Variants in SRPRB observed in about 807,000 individuals in gnomAD.
The protein encoded by SRPRB is SRP receptor subunit beta.
SRPRB carries 20 observed loss-of-function variants against 31.9 expected under a neutral mutation model. The observed-to-expected ratio is 0.63, with a 90% CI of 0.44 to 0.91. SRPRB has a LOEUF of 0.91. Ranked by LOEUF, SRPRB falls within the 40% of genes least tolerant of loss-of-function variation. SRPRB has a pLI of 0.00. For synonymous variants in SRPRB, 146 were observed against 132.8 expected, an observed-to-expected ratio of 1.10 and a Z score of -0.68; for missense variants, 321 against 324.9, an observed-to-expected ratio of 0.99 and a Z score of 0.09.
At chr3:133,825,494 T>G (rs146976395), downstream of SRPRB, 63 of 152,338 alleles carry the variant, frequency 4.1e-4, no homozygotes, top group African/African-American at 1.5e-3. Context: ...CAAGGAGGCC[T>G]CTGACCAAGG....
At chr3:133,799,617 C>T (rs1935033192) in intron 1 of SRPRB, among the ~76,000 whole-genome samples, 1 of 151,960 alleles carries the variant, frequency 6.6e-6, no homozygotes, top group Non-Finnish European at 1.5e-5. Context: ...TCAAGTGGCT[C>T]TCGGGGAGAA....
chr3:133,799,524 G>GA (rs1370088128), intron 1 of SRPRB, among the ~76,000 whole-genome samples: 1 of 151,988 alleles, frequency 6.6e-6, no homozygotes, highest in Non-Finnish European at 1.5e-5. Context: ...GAAGGACAGA[G>GA]AAAAAAATAA....
chr3:133,817,986 C>T (rs1211182629), intron 6 of SRPRB, among the ~76,000 whole-genome samples: 5 of 152,314 alleles, frequency 3.3e-5, no homozygotes, highest in Admixed American at 3.3e-4. Flanking sequence ...TATTTAATTT[C>T]TGGCTCTTTG....
At chr3:133,817,318 A>G (rs937585698) in intron 6 of SRPRB, among the ~76,000 whole-genome samples, 5 of 152,196 alleles carry the variant, frequency 3.3e-5, no homozygotes, top group African/African-American at 1.2e-4. Context: ...GTATTTAAGG[A>G]TGCATGTAAA....
intron 4 of SRPRB, among the ~76,000 whole-genome samples, chr3:133,811,718 G>A (rs1935266323): frequency 6.6e-6 from 1 of 151,744 alleles, no homozygotes; most frequent in South Asian, 2.1e-4. Context: ...GAGTAGCTGG[G>A]ATTACAGGCA....
At chr3:133,806,278 C>G (rs1440776962) in intron 1 of SRPRB, among the ~76,000 whole-genome samples, 1 of 152,220 alleles carries the variant, frequency 6.6e-6, no homozygotes, top group Non-Finnish European at 1.5e-5. Context: ...CGCGCTGTTC[C>G]TCGCCTTCCG....
At chr3:133,817,133 T>G (rs1935381956) in intron 6 of SRPRB, among the ~76,000 whole-genome samples, 1 of 152,250 alleles carries the variant, frequency 6.6e-6, no homozygotes, top group Non-Finnish European at 1.5e-5. Context: ...ATTTTAAAAT[T>G]TCATGGAAAG....
At position 133,807,840 on chromosome 3, in the gene SRPRB, G is replaced by A; in HGVS notation, c.327+17G>A. The A allele has an allele frequency of 6.3e-7, 1 of 1,592,612 alleles. No homozygotes were observed. Among genetic ancestry groups the A allele is most frequent in the Non-Finnish European group, 8.6e-7 (1 of 1,169,030 alleles). ...AATAACAGGGTAAGATGTTTGTGGA[G>A]TTTTGGAGTCTGACAGTCTTACTTT... On this transcript the variant is annotated intron_variant, in intron 3 of 6. Transcript: ENST00000678299.
upstream of SRPRB, among the ~76,000 whole-genome samples, chr3:133,802,549 C>A (rs1008605929): frequency 6.6e-6 from 1 of 152,180 alleles, no homozygotes; most frequent in African/African-American, 2.4e-5. Context: ...CTTGCTTATC[C>A]CCTTGAGCTC....
intron 6 of SRPRB, 41 bp from the exon 7 acceptor site, chr3:133,819,512 T>C: frequency 2.5e-6 from 4 of 1,584,570 alleles, no homozygotes; most frequent in Non-Finnish European, 3.5e-6. Context: ...AATTGCTGTA[T>C]AAAAATTTTG....
chr3:133,786,222 T>TAAAAAAAAAAA (rs1553742153), intron 1 of SRPRB: 3 of 84,348 alleles, frequency 3.6e-5, no homozygotes, highest in African/African-American at 7.9e-5. Flanking sequence ...AAAAATAAAT[T>TAAAAAAAAAAA]AAAAAAAAAA....
chr3:133,811,261 A>G (rs897001734), intron 4 of SRPRB, 62 bp downstream of exon 4: 3 of 1,546,646 alleles, frequency 1.9e-6, no homozygotes, highest in South Asian at 1.1e-5. Flanking sequence ...AAAGCCACTC[A>G]TGTGATTTGC....
intron 6 of SRPRB, among the ~76,000 whole-genome samples, chr3:133,817,545 A>G (rs1342037985): frequency 6.6e-6 from 1 of 152,164 alleles, no homozygotes; most frequent in South Asian, 2.1e-4. Flanking sequence ...TAAGCTTTTG[A>G]ATTTTAAGGC....
upstream of SRPRB, among the ~76,000 whole-genome samples, chr3:133,802,833 C>G (rs1437272517): frequency 6.6e-6 from 1 of 152,106 alleles, no homozygotes; most frequent in South Asian, 2.1e-4. Context: ...CCAGAAGCAC[C>G]TAAAACTCAA....
chr3:133,813,700 C>T (rs1342660271), intron 4 of SRPRB, among the ~76,000 whole-genome samples: 1 of 152,098 alleles, frequency 6.6e-6, no homozygotes, highest in Admixed American at 6.5e-5. Context: ...ACCAGTTATT[C>T]TCCCTCATAA....
chr3:133,828,093 G>A, downstream of SRPRB: 1 of 664,878 alleles, frequency 1.5e-6, no homozygotes. Context: ...AAGAGAAGGA[G>A]AGGTGGGAGC....
Position 133,816,869 on chromosome 3 carries a change from T to C in SRPRB, c.548-9T>C. ...TTTAAACTACAACAGTGTCTTTATT[T>C]CTTTACAGATATTGCAATGGCAAAA... On this transcript the variant is annotated splice_polypyrimidine_tract_variant and intron_variant, in intron 5 of 6. Coordinates refer to ENST00000678299, the MANE Select transcript of SRPRB (RefSeq NM_001379313.1). The C allele has an allele frequency of 6.2e-7, 1 of 1,604,976 alleles. No individual in the cohort carries two copies. The highest frequency in any genetic ancestry group is 1.1e-5 in the South Asian group (1 of 88,930).
chr3:133,809,137 C>T (rs1226300006), intron 3 of SRPRB, among the ~76,000 whole-genome samples: 4 of 151,768 alleles, frequency 2.6e-5, no homozygotes, highest in East Asian at 2.0e-4. Context: ...GGATTACAGG[C>T]GCCCACCACC....
intron 1 of SRPRB, chr3:133,795,247 A>C (rs1046578404): frequency 5.3e-5 from 8 of 152,210 alleles, no homozygotes; most frequent in Non-Finnish European, 1.2e-4. Flanking sequence ...GGTTTGGTTT[A>C]TGGTGACCCT....
Sources: gnomAD v4.1 joint callset for allele counts (sites outside exome capture counted in the v4.1 genomes callset) on GRCh38, gnomAD v4.1.1 for gene constraint, MANE v1.5 for transcripts, NCBI Gene and HGNC (gene_info 2026-07-23, HGNC 2026-07-21) for gene names.